KCNIP4: variants seen among roughly 807,000 people sequenced by gnomAD.
KCNIP4 encodes the protein potassium voltage-gated channel interacting protein 4.
In KCNIP4, 12 loss-of-function variants were observed where a neutral mutation model predicts 34.0. The ratio of observed to expected loss-of-function variants is 0.35; its 90% CI spans 0.23 to 0.57. KCNIP4 has a LOEUF of 0.57. Ranked by LOEUF, KCNIP4 falls within the 20% of genes least tolerant of loss-of-function variation. The pLI is 0.83. For missense variants in KCNIP4, 238 were observed against 311.7 expected, an observed-to-expected ratio of 0.76 and a Z score of 1.78; for synonymous variants, 124 against 102.2, an observed-to-expected ratio of 1.21 and a Z score of -1.29.
chr4:20,929,330 T>A (rs1730207363), intron 1 of KCNIP4, among the ~76,000 whole-genome samples: 1 of 151,992 alleles, frequency 6.6e-6, no homozygotes, highest in South Asian at 2.1e-4. Context: ...AAGTTCAGCA[T>A]CCTTTCCTGA....
intron 1 of KCNIP4, among the ~76,000 whole-genome samples, chr4:20,966,760 A>T (rs901319085): frequency 1.3e-5 from 2 of 152,198 alleles, no homozygotes; most frequent in African/African-American, 4.8e-5. Context: ...TCCTACCTAT[A>T]GTTATGTATG....
intron 1 of KCNIP4, chr4:21,851,193 G>C (rs542203414): frequency 6.6e-6 from 1 of 152,144 alleles, no homozygotes; most frequent in South Asian, 2.1e-4. Flanking sequence ...GAGGAGAGGA[G>C]AGGGGTTAAG....
At chr4:21,847,501 T>G (rs1163077081) in intron 1 of KCNIP4, 8 of 152,160 alleles carry the variant, frequency 5.3e-5, no homozygotes, top group Admixed American at 5.2e-4. Flanking sequence ...ATTTCTGAAA[T>G]AAAGTCTGAA....
chr4:21,937,577 A>G (rs1302951711), intron 1 of KCNIP4, among the ~76,000 whole-genome samples: 4 of 152,032 alleles, frequency 2.6e-5, no homozygotes, highest in Admixed American at 2.0e-4. Flanking sequence ...ATATGGCCCA[A>G]TACCTATTGG....
intron 1 of KCNIP4, among the ~76,000 whole-genome samples, chr4:21,612,007 AC>A (rs890866734): frequency 1.3e-5 from 2 of 152,220 alleles, no homozygotes; most frequent in Non-Finnish European, 2.9e-5. Context: ...AAACTTTAGA[AC>A]AGCCAATAAT....
intron 1 of KCNIP4, among the ~76,000 whole-genome samples, chr4:21,263,827 A>T (rs189672423): frequency 1.3e-5 from 2 of 151,552 alleles, no homozygotes; most frequent in Non-Finnish European, 2.9e-5. Flanking sequence ...GACTAATTAA[A>T]TTTTTTTTCT....
intron 3 of KCNIP4, among the ~76,000 whole-genome samples, chr4:20,838,019 T>C (rs2149467223): frequency 6.6e-6 from 1 of 152,140 alleles, no homozygotes; most frequent in East Asian, 1.9e-4. Context: ...AACCAATTAG[T>C]TACTTCAAAA....
chr4:21,680,503 T>C (rs142015745), intron 1 of KCNIP4, among the ~76,000 whole-genome samples: 2,558 of 152,310 alleles, frequency 0.017, 82 homozygotes, highest in African/African-American at 0.058. Context: ...GCATCTAGAA[T>C]GGTGAAACCT....
chr4:21,256,140 T>A (rs1209390435), intron 1 of KCNIP4, among the ~76,000 whole-genome samples: 2 of 152,062 alleles, frequency 1.3e-5, no homozygotes, highest in Non-Finnish European at 2.9e-5. Context: ...TATGTGGAAA[T>A]GACGTTAGTC....
chr4:21,430,578 C>T (rs977475003), intron 1 of KCNIP4, among the ~76,000 whole-genome samples: 3 of 151,818 alleles, frequency 2.0e-5, no homozygotes, highest in African/African-American at 7.3e-5. Context: ...AAATATCACT[C>T]AAGTAGATAT....
chr4:20,751,717 G>T (rs1450102098), intron 4 of KCNIP4, among the ~76,000 whole-genome samples: 1 of 152,108 alleles, frequency 6.6e-6, no homozygotes, highest in Non-Finnish European at 1.5e-5. Flanking sequence ...GATAACATGG[G>T]TATATGATAA....
intron 1 of KCNIP4, among the ~76,000 whole-genome samples, chr4:21,543,744 C>T (rs1039192623): frequency 1.6e-4 from 25 of 152,134 alleles, no homozygotes; most frequent in Admixed American, 2.0e-4. Flanking sequence ...TCCTTACCTA[C>T]ATTGTCTTGT....
In KCNIP4 at chr4:20,772,355, A is replaced by C. The variant is rs73110257; in HGVS notation, c.289-13465T>G. Reference sequence around the variant, plus strand: ...GACTACGCACAGGAGCGTAACGGTTAATCAACAAGCATGGCCCTCATCCAA... The same window carrying C: ...GACTACGCACAGGAGCGTAACGGTTCATCAACAAGCATGGCCCTCATCCAA... On this transcript the variant is annotated intron_variant, in intron 3 of 8. Transcript: ENST00000382152. Among the ~76,000 whole-genome samples the C allele has an allele frequency of 8.8e-3, 1,340 of 152,328 alleles. 18 individuals are homozygous for C. Among genetic ancestry groups the C allele is most frequent in the African/African-American group, 0.031 (1,275 of 41,574 alleles).
At chr4:21,213,649 C>T (rs1157464073) in intron 1 of KCNIP4, among the ~76,000 whole-genome samples, 1 of 152,102 alleles carries the variant, frequency 6.6e-6, no homozygotes, top group East Asian at 1.9e-4. Context: ...AAGCAATCCT[C>T]CAGCCTCAGC....
intron 1 of KCNIP4, among the ~76,000 whole-genome samples, chr4:20,955,735 A>T (rs965546941): frequency 2.0e-5 from 3 of 152,210 alleles, no homozygotes; most frequent in Non-Finnish European, 2.9e-5. Flanking sequence ...CTTACAGTTT[A>T]AAAAAACTTT....
chr4:21,945,454 A>G (rs940139451), intron 1 of KCNIP4, among the ~76,000 whole-genome samples: 2 of 152,220 alleles, frequency 1.3e-5, no homozygotes, highest in African/African-American at 4.8e-5. Flanking sequence ...GGATTTTTCA[A>G]TATTACCCTT....
intron 1 of KCNIP4, among the ~76,000 whole-genome samples, chr4:21,149,655 G>T (rs1752619977): frequency 6.6e-6 from 1 of 152,144 alleles, no homozygotes; most frequent in South Asian, 2.1e-4. Context: ...TTAGTAATTA[G>T]TCCCAGAATC....
chr4:21,747,135 C>G (rs549298466), intron 1 of KCNIP4, among the ~76,000 whole-genome samples: 26 of 152,194 alleles, frequency 1.7e-4, no homozygotes, highest in African/African-American at 6.3e-4. Flanking sequence ...TTTTAACCAA[C>G]TTTTATGTTG....
chr4:21,166,250 A>G (rs1753619427), intron 1 of KCNIP4, among the ~76,000 whole-genome samples: 1 of 152,238 alleles, frequency 6.6e-6, no homozygotes, highest in African/African-American at 2.4e-5. Flanking sequence ...AGAATGGACA[A>G]GAGTTTGAGC....
Sources: allele counts gnomAD v4.1 joint callset (sites outside exome capture counted in the v4.1 genomes callset), GRCh38; gene constraint gnomAD v4.1.1; transcripts MANE v1.5; gene names NCBI Gene and HGNC (gene_info 2026-07-23, HGNC 2026-07-21).